TNNI3K: variants seen among roughly 807,000 people sequenced by gnomAD.
TNNI3K encodes the protein TNNI3 interacting kinase.
In TNNI3K, 140 loss-of-function variants were observed where a neutral mutation model predicts 114.5. The observed-to-expected ratio is 1.22, with a 90% CI of 1.07 to 1.41. TNNI3K has a LOEUF of 1.41. Ranked by LOEUF, TNNI3K falls within the 40% of genes most tolerant of loss-of-function variation. The pLI is 0.00. For synonymous variants in TNNI3K, 347 were observed against 347.5 expected, an observed-to-expected ratio of 1.00 and a Z score of 0.02; for missense variants, 1,125 against 1,007.6, an observed-to-expected ratio of 1.12 and a Z score of -1.58.
At chr1:74,305,575 G>A (rs1444842853) in intron 5 of TNNI3K, among the ~76,000 whole-genome samples, 1 of 152,150 alleles carries the variant, frequency 6.6e-6, no homozygotes, top group African/African-American at 2.4e-5. Context: ...ACATGACTTT[G>A]AGCAAGGCAG....
At chr1:74,445,620 C>T (rs1092424) in intron 20 of TNNI3K, among the ~76,000 whole-genome samples, 118,869 of 137,260 alleles carry the variant, frequency 0.87, 51,668 homozygotes, top group East Asian at 0.96. Flanking sequence ...TTCTTTTTTT[C>T]TTTTTTTTGA....
At chr1:74,444,053 A>G (rs1666512511) in intron 20 of TNNI3K, among the ~76,000 whole-genome samples, 1 of 152,188 alleles carries the variant, frequency 6.6e-6, no homozygotes, top group Non-Finnish European at 1.5e-5. Flanking sequence ...AGCGAATATC[A>G]TACTGAATGG....
chr1:74,337,441 A>G (rs1466595100), intron 7 of TNNI3K, among the ~76,000 whole-genome samples: 2 of 152,004 alleles, frequency 1.3e-5, no homozygotes, highest in Non-Finnish European at 2.9e-5. Context: ...TATGTCCTGA[A>G]TGGTAATGCC....
At chr1:74,377,775 G>A (rs913633189) in intron 17 of TNNI3K, among the ~76,000 whole-genome samples, 8 of 151,942 alleles carry the variant, frequency 5.3e-5, no homozygotes, top group African/African-American at 1.9e-4. Flanking sequence ...CGAATTCTAA[G>A]TAATTTGCTC....
chr1:74,386,686 A>ATTTTC (rs1018656100), intron 17 of TNNI3K, among the ~76,000 whole-genome samples: 1 of 152,134 alleles, frequency 6.6e-6, no homozygotes, highest in Non-Finnish European at 1.5e-5. Flanking sequence ...TGTGAAAAAT[A>ATTTTC]TTTTCTTTTG....
At chr1:74,241,917 T>C (rs1654250370) in intron 2 of TNNI3K, among the ~76,000 whole-genome samples, 1 of 150,972 alleles carries the variant, frequency 6.6e-6, no homozygotes, top group Non-Finnish European at 1.5e-5. Flanking sequence ...TGGCGCGATC[T>C]AGGCTCACTG....
rs147852167 is a variant in TNNI3K, at chr1:74,388,996, C to T, written c.1772+18604C>T. 5.7e-4 allele frequency among the ~76,000 whole-genome samples: 87 copies of T among 152,348 alleles called. No homozygotes were observed. The East Asian group carries it at 0.014, about 24-fold the overall frequency. ...CACAAATATGTAACCATCCTCAAAG[C>T]ACTCATGCAACTGAGAGTACTTTGT... On this transcript the variant is annotated intron_variant, in intron 17 of 24. Transcript: ENST00000326637.
intron 5 of TNNI3K, among the ~76,000 whole-genome samples, chr1:74,283,817 A>G (rs986522422): frequency 6.6e-6 from 1 of 152,206 alleles, no homozygotes; most frequent in Non-Finnish European, 1.5e-5. Flanking sequence ...AAATATATAC[A>G]CATATTTGTA....
intron 5 of TNNI3K, among the ~76,000 whole-genome samples, chr1:74,273,858 A>G (rs1656503735): frequency 6.6e-6 from 1 of 151,876 alleles, no homozygotes; most frequent in South Asian, 2.1e-4. Context: ...TATATGGGGG[A>G]CTAATTAAAT....
intron 5 of TNNI3K, among the ~76,000 whole-genome samples, chr1:74,290,072 G>T (rs1159806357): frequency 6.6e-6 from 1 of 151,772 alleles, no homozygotes; most frequent in South Asian, 2.1e-4. Flanking sequence ...GAAACCTCCT[G>T]TGAATGAGGC....
At chr1:74,413,701 G>A (rs1664992462) in intron 17 of TNNI3K, among the ~76,000 whole-genome samples, 1 of 152,154 alleles carries the variant, frequency 6.6e-6, no homozygotes, top group African/African-American at 2.4e-5. Context: ...TACGATTATA[G>A]TAGTATTCTA....
At chr1:74,409,205 G>A (rs1271130666) in intron 17 of TNNI3K, among the ~76,000 whole-genome samples, 1 of 152,032 alleles carries the variant, frequency 6.6e-6, no homozygotes, top group African/African-American at 2.4e-5. Flanking sequence ...AATTGCCCAA[G>A]GTCATGTAAC....
rs550602644 is a variant in TNNI3K, at chr1:74,291,448, G to A, written c.444+19740G>A. Among the ~76,000 whole-genome samples the A allele has an allele frequency of 2.0e-3, 310 of 151,590 alleles. 1 individual carries two copies. The highest frequency in any genetic ancestry group is 0.01 in the Middle Eastern group (3 of 294). On this transcript the variant is annotated intron_variant, in intron 5 of 24. Transcript: ENST00000326637. ...ACATAGGTCTTATGTACAAGGGAAG[G>A]TTCTAAGCACATTATACAGATTATC...
chr1:74,497,681 G>A (rs1310407321), intron 23 of TNNI3K, among the ~76,000 whole-genome samples: 4 of 152,030 alleles, frequency 2.6e-5, no homozygotes, highest in Non-Finnish European at 2.9e-5. Flanking sequence ...CTGCTTCCTA[G>A]CGTTTGCAAC....
chr1:74,491,085 ACTGGGATACACATTTTAG>A (rs1669048720), intron 22 of TNNI3K, among the ~76,000 whole-genome samples: 1 of 152,196 alleles, frequency 6.6e-6, no homozygotes, highest in South Asian at 2.1e-4. Flanking sequence ...AATAATTAAA[ACTGGGATACACATTTTAG>A]AAGAGAGAGA....
chr1:74,353,905 A>G (rs920583998), intron 10 of TNNI3K, 75 bp from the exon 11 acceptor site: 1 of 1,524,348 alleles, frequency 6.6e-7, no homozygotes, highest in African/African-American at 1.4e-5. Context: ...TTATGTGGTG[A>G]TGACTGTCTT....
At chr1:74,263,610 G>A (rs1655801400) in intron 4 of TNNI3K, among the ~76,000 whole-genome samples, 1 of 151,856 alleles carries the variant, frequency 6.6e-6, no homozygotes, top group African/African-American at 2.4e-5. Context: ...GGATATTTTA[G>A]TAAATTTTGG....
At chr1:74,488,861 T>C (rs1273153739) in intron 21 of TNNI3K, among the ~76,000 whole-genome samples, 1 of 152,172 alleles carries the variant, frequency 6.6e-6, no homozygotes, top group Non-Finnish European at 1.5e-5. Flanking sequence ...TAGTTAATAG[T>C]TTTTAGTATT....
chr1:74,332,298 T>C (rs1174419542), intron 6 of TNNI3K, among the ~76,000 whole-genome samples: 1 of 142,464 alleles, frequency 7.0e-6, no homozygotes, highest in Non-Finnish European at 1.6e-5. Context: ...CTATTTGCCC[T>C]TTTTTTTTTT....
Sources: gnomAD v4.1 joint callset for allele counts (sites outside exome capture counted in the v4.1 genomes callset) on GRCh38, gnomAD v4.1.1 for gene constraint, MANE v1.5 for transcripts, NCBI Gene and HGNC (gene_info 2026-07-23, HGNC 2026-07-21) for gene names.